The following HOXC8 variants were observed in gnomAD, a reference collection of about 807,000 sequenced individuals.
HOXC8 encodes homeobox C8, also known as homeobox protein Hox-C8.
HOXC8 carries 14 observed loss-of-function variants against 25.8 expected under a neutral mutation model. That is an observed-to-expected ratio of 0.54 (90% CI 0.36 to 0.85). The LOEUF (loss-of-function observed/expected upper bound fraction) is 0.85, where lower values mean the gene tolerates loss of function less well. Among genes scored for constraint, HOXC8 ranks in the 40% least tolerant of loss-of-function variants. The probability of loss-of-function intolerance (pLI) is 0.01; values close to 1 mark genes in which losing one functional copy is unlikely to be tolerated. For missense variants in HOXC8, 316 were observed against 308.8 expected (o/e 1.02, Z -0.17); for synonymous variants, 144 against 124.6 (o/e 1.16, Z -1.04).
In HOXC8 at chr12:54,009,186, GC is replaced by G. The variant is rs1422601333; in HGVS notation, c.-97del. ...CAGCCCAGTCCCGGGGAGCCAGCTG[GC>G]CTGGGGTTCGGTCCCGGGGGGAGGG... On this transcript the variant is annotated 5_prime_UTR_variant, in exon 1 of 2. Transcript: ENST00000040584. The surrounding 1 kb of genome is among the most constrained non-coding windows in gnomAD (Gnocchi z 5.0). 1 of 1,054,598 alleles carries G rather than the reference GC, an allele frequency of 9.5e-7. No homozygotes were observed. Among genetic ancestry groups the G allele is most frequent in the African/African-American group, 1.6e-5 (1 of 62,448 alleles). 65.3% of individuals were successfully genotyped at this position (1,054,598 alleles called of 1,614,324 possible).
intron 1 of HOXC8, among the ~76,000 whole-genome samples, chr12:54,010,840 C>T (rs1275932305): frequency 1.3e-5 from 2 of 152,142 alleles, no homozygotes; most frequent in African/African-American, 2.4e-5. Context: ...CTACAGGGCT[C>T]CCCAGCCCCT....
rs1940001946 is a variant in HOXC8 at position 54,011,849 on chromosome 12, T to G, written c.*468T>G. The G allele has an allele frequency of 6.6e-6, 1 of 152,216 alleles. No individual in the cohort carries two copies. The highest frequency in any genetic ancestry group is 6.5e-5 in the Admixed American group (1 of 15,276). 9.4% of individuals were successfully genotyped at this position (152,216 alleles called of 1,614,324 possible). A position where few individuals can be genotyped will look rare whatever the true frequency, so the allele number is the denominator to read the frequency against. The stretch of plus-strand genomic sequence containing the variant: ...TAAGGCTAGTGTACTAGATGTACTT[T>G]TTCTAAAAAGGAAAGGACAGAAAAA... On this transcript the variant is annotated 3_prime_UTR_variant, in exon 2 of 2. Coordinates refer to ENST00000040584, the MANE Select transcript of HOXC8 (RefSeq NM_022658.4).
In HOXC8 at chr12:54,009,394, C is replaced by G. The variant is rs776800065; in HGVS notation, c.110C>G (p.Ala37Gly). Reference sequence around the variant, plus strand: ...CCTCAGAGCGTGGGCAGGAGCCATGCGCTGGTGTACGGGCCCGGCGGCTCG... The same window carrying G: ...CCTCAGAGCGTGGGCAGGAGCCATGGGCTGGTGTACGGGCCCGGCGGCTCG... ...RFPQSVGRSH[A>G]LVYGPGGSAP... Residue 37 changes from alanine (A) to glycine (G), a missense_variant, in exon 1 of 2, where the codon GCG becomes GGG. By Grantham distance (60) the Ala-to-Gly change is moderately conservative. Coordinates refer to ENST00000040584, the MANE Select transcript of HOXC8 (RefSeq NM_022658.4). This position sits in a 1 kb window ranked among gnomAD's most constrained non-coding sequence, Gnocchi z 5.0. 1.9e-6 allele frequency: 3 copies of G among 1,614,050 alleles called. No homozygotes were observed. In the South Asian group the frequency reaches 3.3e-5, roughly 18 times the overall value.
chr12:54,012,725 T>C lies in HOXC8; in HGVS notation c.*1344T>C, dbSNP rs1207620342. Among the ~76,000 whole-genome samples, 4 of 152,232 alleles carry C rather than the reference T, an allele frequency of 2.6e-5. No homozygotes were observed. The highest frequency in any genetic ancestry group is 2.9e-5 in the Non-Finnish European group (2 of 68,040). On this transcript the variant is annotated 3_prime_UTR_variant, in exon 2 of 2. Coordinates refer to ENST00000040584, the MANE Select transcript of HOXC8 (RefSeq NM_022658.4). Reference sequence around the variant, plus strand: ...CTGTTCCTGGTCCAAGTACTTTGTATTGTATACGTGAGTCATAATAATAAA... The same window carrying C: ...CTGTTCCTGGTCCAAGTACTTTGTACTGTATACGTGAGTCATAATAATAAA...
intron 1 of HOXC8, among the ~76,000 whole-genome samples, chr12:54,010,162 T>C (rs1939953331): frequency 1.3e-5 from 2 of 152,112 alleles, no homozygotes; most frequent in Non-Finnish European, 2.9e-5. Flanking sequence ...CAGGCTGTCT[T>C]GGGGCAAAGG....
In HOXC8 at chr12:54,011,336, GGAAGAGGAGAAA is replaced by G. The variant is rs1398313086; in HGVS notation, c.694_705del (p.Lys232_Glu235del). The G allele has an allele frequency of 2.0e-6, 3 of 1,504,182 alleles. No homozygotes were observed. Among genetic ancestry groups the G allele is most frequent in the Non-Finnish European group, 2.7e-6 (3 of 1,131,776 alleles). 93.2% of individuals were successfully genotyped at this position (1,504,182 alleles called of 1,614,324 possible). A position where few individuals can be genotyped will look rare whatever the true frequency, so the allele number is the denominator to read the frequency against. ...AGAAGGTGGAGGAAGAAGGAAATGA[GGAAGAGGAGAAA>G]GAAGAGGAGGAAAAGGAAGAAAACA... On this transcript the variant is annotated inframe_deletion, in exon 2 of 2. Transcript: ENST00000040584.
chr12:54,011,401 C>G lies in HOXC8; in HGVS notation c.*20C>G. Reference sequence around the variant, plus strand: ...GACTAAGCAAAAAAGAAAGACCCCCCCCCCCTTAGCAACTCCCTTGAAGTT... The same window carrying G: ...GACTAAGCAAAAAAGAAAGACCCCCGCCCCCTTAGCAACTCCCTTGAAGTT... On this transcript the variant is annotated 3_prime_UTR_variant, in exon 2 of 2. Transcript: ENST00000040584. 2.8e-6 allele frequency: 4 copies of G among 1,447,026 alleles called. No homozygotes were observed. The highest frequency in any genetic ancestry group is 3.6e-6 in the Non-Finnish European group (4 of 1,106,070). The allele number at this position is 1,447,026 out of a possible 1,614,324, so 89.6% of individuals were successfully genotyped here.
rs1939947329 is a variant in HOXC8, at chr12:54,009,923, T to A, written c.436+203T>A. ...GCAGGGAGGGGGTGCCTAGAACATT[T>A]AGGGGATTGGGGTGAAGGTGAGAGA... On this transcript the variant is annotated intron_variant, in intron 1 of 1. Coordinates refer to ENST00000040584, the MANE Select transcript of HOXC8 (RefSeq NM_022658.4). The surrounding 1 kb of genome is among the most constrained non-coding windows in gnomAD (Gnocchi z 5.0). Among the ~76,000 whole-genome samples, 1 of 152,038 alleles carries A rather than the reference T, an allele frequency of 6.6e-6. No individual in the cohort carries two copies. The highest frequency in any genetic ancestry group is 2.4e-5 in the African/African-American group (1 of 41,388).
rs1330050346 is a variant in HOXC8 at position 54,009,966 on chromosome 12, CAAAGGGTT to C, written c.436+250_436+257del. On this transcript the variant is annotated intron_variant, in intron 1 of 1. Transcript: ENST00000040584. The surrounding 1 kb of genome is among the most constrained non-coding windows in gnomAD (Gnocchi z 5.0). ...GTGAGAGAAAGCTGGTGTGTGGCCGCAAAGGGTTAAAAATCGTTTTCTCCATCTCTGTC... is the reference window on the plus strand; with the variant it reads ...GTGAGAGAAAGCTGGTGTGTGGCCGCAAAAATCGTTTTCTCCATCTCTGTC... Among the ~76,000 whole-genome samples, 1 of 152,132 alleles carries C rather than the reference CAAAGGGTT, an allele frequency of 6.6e-6. No individual in the cohort carries two copies. The highest frequency in any genetic ancestry group is 1.5e-5 in the Non-Finnish European group (1 of 68,030).
intron 1 of HOXC8, among the ~76,000 whole-genome samples, chr12:54,010,160 C>T (rs1939953252): frequency 6.6e-6 from 1 of 152,158 alleles, no homozygotes; most frequent in African/African-American, 2.4e-5. Context: ...GCCAGGCTGT[C>T]TTGGGGCAAA....
chr12:54,009,475 C>T lies in HOXC8; in HGVS notation c.191C>T (p.Thr64Ile). ...HHVQDFFHHGTSGISNSGYQQ... is the reference protein window; with the variant it reads ...HHVQDFFHHGISGISNSGYQQ... ...GTTCAAGACTTCTTCCACCACGGCA[C>T]CTCCGGCATCTCCAACTCAGGCTAC... Residue 64 changes from threonine to isoleucine, a missense_variant, in exon 1 of 2, where the codon ACC becomes ATC. Thr to Ile is a moderately conservative substitution (Grantham distance 89, BLOSUM62 -1). Coordinates refer to ENST00000040584, the MANE Select transcript of HOXC8 (RefSeq NM_022658.4). The surrounding 1 kb of genome is among the most constrained non-coding windows in gnomAD (Gnocchi z 5.0). 6.2e-7 allele frequency: 1 copy of T among 1,614,194 alleles called. No individual in the cohort carries two copies. Among genetic ancestry groups the T allele is most frequent in the Non-Finnish European group, 8.5e-7 (1 of 1,180,034 alleles).
chr12:54,010,548 C>T (rs904867725), intron 1 of HOXC8, among the ~76,000 whole-genome samples: 1 of 152,204 alleles, frequency 6.6e-6, no homozygotes, highest in Non-Finnish European at 1.5e-5. Context: ...GCGACAAGTT[C>T]CGGCGGGGAT....
chr12:54,011,482 G>A lies in HOXC8; in HGVS notation c.*101G>A. The A allele has an allele frequency of 2.2e-6, 3 of 1,393,932 alleles. No homozygotes were observed. Among genetic ancestry groups the A allele is most frequent in the Non-Finnish European group, 2.8e-6 (3 of 1,068,576 alleles). The allele number at this position is 1,393,932 out of a possible 1,614,324, so 86.3% of individuals were successfully genotyped here. On this transcript the variant is annotated 3_prime_UTR_variant, in exon 2 of 2. Transcript: ENST00000040584. ...TTTACGACTGTCATTTGCTTTTATA[G>A]AGAATAGAATGACACTCACAACTCT...
rs770972672 is a variant in HOXC8, at chr12:54,009,746, T to C, written c.436+26T>C. 5.6e-6 allele frequency: 9 copies of C among 1,597,622 alleles called. No homozygotes were observed. Among genetic ancestry groups the C allele is most frequent in the Non-Finnish European group, 7.7e-6 (9 of 1,166,470 alleles). On this transcript the variant is annotated intron_variant, in intron 1 of 1. Coordinates refer to ENST00000040584, the MANE Select transcript of HOXC8 (RefSeq NM_022658.4). The surrounding 1 kb of genome is among the most constrained non-coding windows in gnomAD (Gnocchi z 5.0). Reference sequence around the variant, plus strand: ...GTGAGAAGCCTTTTCTCTTTCCCCCTTGGTCTCCCGCGCTCCAGGGTTTCC... The same window carrying C: ...GTGAGAAGCCTTTTCTCTTTCCCCCCTGGTCTCCCGCGCTCCAGGGTTTCC...
chr12:54,011,512 A>C lies in HOXC8; in HGVS notation c.*131A>C. ...TAGAATGACACTCACAACTCTAACT[A>C]CCTGTCAGATACTTGCAGCTCTGGT... On this transcript the variant is annotated 3_prime_UTR_variant, in exon 2 of 2. Transcript: ENST00000040584. The C allele has an allele frequency of 1.8e-6, 2 of 1,108,800 alleles. No individual in the cohort carries two copies. Among genetic ancestry groups the C allele is most frequent in the Non-Finnish European group, 2.4e-6 (2 of 827,302 alleles). 68.7% of individuals were successfully genotyped at this position (1,108,800 alleles called of 1,614,324 possible).
rs759918752 is a variant in HOXC8, at chr12:54,012,617, G to T, written c.*1236G>T. ...TGCAATGTGCTCGAAAGAAAAAAAT[G>T]TTAAAAATATATCTATAATAATAAT... On this transcript the variant is annotated 3_prime_UTR_variant, in exon 2 of 2. Transcript: ENST00000040584. Among the ~76,000 whole-genome samples the T allele has an allele frequency of 6.6e-6, 1 of 152,094 alleles. No homozygotes were observed. Among genetic ancestry groups the T allele is most frequent in the Non-Finnish European group, 1.5e-5 (1 of 68,016 alleles).
At position 54,011,302 on chromosome 12, in the gene HOXC8, G is replaced by A. The variant is rs748112297; in HGVS notation, c.650G>A (p.Arg217Gln). Residue 217 changes from arginine to glutamine, a missense_variant, in exon 2 of 2, where the codon CGA becomes CAA. By Grantham distance (43) the Arg-to-Gln change is conservative (BLOSUM62 1). Transcript: ENST00000040584. ...ENNKDKLPGA[R>Q]DEEKVEEEGN... Reference sequence around the variant, plus strand: ...AACAAGGATAAACTGCCGGGAGCCCGAGATGAGGAGAAGGTGGAGGAAGAA... The same window carrying A: ...AACAAGGATAAACTGCCGGGAGCCCAAGATGAGGAGAAGGTGGAGGAAGAA... 1.0e-5 allele frequency: 16 copies of A among 1,568,198 alleles called. No homozygotes were observed. Among genetic ancestry groups the A allele is most frequent in the Middle Eastern group, 1.7e-4 (1 of 5,852 alleles).
At position 54,009,779 on chromosome 12, in the gene HOXC8, C is replaced by T; in HGVS notation, c.436+59C>T. The T allele has an allele frequency of 2.1e-6, 3 of 1,453,436 alleles. No individual in the cohort carries two copies. Among genetic ancestry groups the T allele is most frequent in the Non-Finnish European group, 2.9e-6 (3 of 1,046,736 alleles). 90.0% of individuals were successfully genotyped at this position (1,453,436 alleles called of 1,614,324 possible). A position where few individuals can be genotyped will look rare whatever the true frequency, so the allele number is the denominator to read the frequency against. On this transcript the variant is annotated intron_variant, in intron 1 of 1. Coordinates refer to ENST00000040584, the MANE Select transcript of HOXC8 (RefSeq NM_022658.4). The surrounding 1 kb of genome is among the most constrained non-coding windows in gnomAD (Gnocchi z 5.0). Reference sequence around the variant, plus strand: ...CCGCGCTCCAGGGTTTCCCCCCCTCCCTCGCCTCCTTTTTGTCTGCCCTCG... The same window carrying T: ...CCGCGCTCCAGGGTTTCCCCCCCTCTCTCGCCTCCTTTTTGTCTGCCCTCG...
Position 54,011,587 on chromosome 12 carries a change from G to T in HOXC8, c.*206G>T, listed in dbSNP as rs376723569. On this transcript the variant is annotated 3_prime_UTR_variant, in exon 2 of 2. Coordinates refer to ENST00000040584, the MANE Select transcript of HOXC8 (RefSeq NM_022658.4). ...CTCTTTATTTGTTTGGGGGCTGGAG[G>T]GGGGAGACGGAGAAACAGTGAAAAG... The T allele has an allele frequency of 1.0e-5, 6 of 571,754 alleles. No individual in the cohort carries two copies. The highest frequency in any genetic ancestry group is 5.8e-4 in the Middle Eastern group (1 of 1,736). The allele number at this position is 571,754 out of a possible 1,614,324, so 35.4% of individuals were successfully genotyped here. A position where few individuals can be genotyped will look rare whatever the true frequency, so the allele number is the denominator to read the frequency against.
Sources: allele counts gnomAD v4.1 joint callset (sites outside exome capture counted in the v4.1 genomes callset), GRCh38; gene constraint gnomAD v4.1.1; non-coding constraint Gnocchi (gnomAD v3.1); transcripts MANE v1.5; gene names NCBI Gene and HGNC (gene_info 2026-07-23, HGNC 2026-07-21).